Variants in KCNT2 observed in about 807,000 individuals in gnomAD.
The protein encoded by KCNT2 is potassium channel subfamily T member 2.
Under a neutral mutation model 153.8 loss-of-function variants are expected in KCNT2, and 67 were observed. The observed-to-expected ratio is 0.44, with a 90% CI of 0.36 to 0.53. The LOEUF is 0.53. KCNT2 is among the 20% of genes least tolerant of loss of function. KCNT2 has a pLI of 0.00. For synonymous variants in KCNT2, 500 were observed against 458.8 expected, an observed-to-expected ratio of 1.09 and a Z score of -1.15; for missense variants, 975 against 1,354.8, an observed-to-expected ratio of 0.72 and a Z score of 4.40.
intron 1 of KCNT2, among the ~76,000 whole-genome samples, chr1:196,503,906 G>A (rs1680901343): frequency 6.6e-6 from 1 of 152,106 alleles, no homozygotes; most frequent in African/African-American, 2.4e-5. Flanking sequence ...TGGAACACAT[G>A]TATGTCTTTA....
intron 26 of KCNT2, among the ~76,000 whole-genome samples, chr1:196,254,060 A>G (rs546928104): frequency 7.9e-5 from 12 of 151,486 alleles, no homozygotes; most frequent in Non-Finnish European, 1.6e-4. Context: ...TTTATATTTT[A>G]ATTTAAGGAG....
intron 1 of KCNT2, among the ~76,000 whole-genome samples, chr1:196,551,323 T>C (rs899821336): frequency 6.6e-6 from 1 of 151,782 alleles, no homozygotes; most frequent in Non-Finnish European, 1.5e-5. Flanking sequence ...GAATTGCTTG[T>C]GTGAAGAGTA....
intron 27 of KCNT2, among the ~76,000 whole-genome samples, chr1:196,228,902 C>T (rs554938104): frequency 2.7e-4 from 41 of 152,086 alleles, no homozygotes; most frequent in African/African-American, 9.9e-4. Context: ...GAATATAATG[C>T]ATAACGTTTA....
chr1:196,402,191 T>C (rs1034583830), intron 12 of KCNT2, among the ~76,000 whole-genome samples: 1 of 151,462 alleles, frequency 6.6e-6, no homozygotes, highest in Admixed American at 6.6e-5. Context: ...AAGAAAACTA[T>C]ATAAACTCAA....
chr1:196,511,020 A>G (rs982614699), intron 1 of KCNT2, among the ~76,000 whole-genome samples: 2 of 152,052 alleles, frequency 1.3e-5, no homozygotes, highest in African/African-American at 4.8e-5. Flanking sequence ...ATCTGGCAAT[A>G]TAGTAGACCA....
At chr1:196,235,756 T>G (rs1366171917) in intron 27 of KCNT2, among the ~76,000 whole-genome samples, 2 of 151,440 alleles carry the variant, frequency 1.3e-5, no homozygotes, top group Non-Finnish European at 3.0e-5. Context: ...TTAGCTCACA[T>G]AATACAGAAT....
chr1:196,317,318 G>A, intron 20 of KCNT2: 1 of 442,276 alleles, frequency 2.3e-6, no homozygotes, highest in Non-Finnish European at 4.6e-6. Flanking sequence ...GATAAGAGGG[G>A]CCAGGACCAT....
chr1:196,510,283 C>A (rs911708355), intron 1 of KCNT2, among the ~76,000 whole-genome samples: 1 of 151,938 alleles, frequency 6.6e-6, no homozygotes, highest in South Asian at 2.1e-4. Flanking sequence ...TACTAATAAA[C>A]CCTGGGCACT....
intron 15 of KCNT2, among the ~76,000 whole-genome samples, chr1:196,341,704 A>AT (rs546215845): frequency 1.3e-3 from 202 of 151,224 alleles, no homozygotes; most frequent in Non-Finnish European, 2.2e-3. Flanking sequence ...ACCATCAGAG[A>AT]TTTTTTTTTC....
At chr1:196,473,660 T>C (rs1267286054) in intron 5 of KCNT2, among the ~76,000 whole-genome samples, 21 of 152,208 alleles carry the variant, frequency 1.4e-4, no homozygotes, top group Admixed American at 1.4e-3. Flanking sequence ...AATTCTAAGA[T>C]TTCAGGTTGT....
At chr1:196,393,280 C>T (rs1183727850) in intron 13 of KCNT2, among the ~76,000 whole-genome samples, 1 of 151,402 alleles carries the variant, frequency 6.6e-6, no homozygotes, top group African/African-American at 2.4e-5. Context: ...TCAGAGGACT[C>T]AACAGTTGAA....
intron 1 of KCNT2, among the ~76,000 whole-genome samples, chr1:196,595,055 G>A (rs1663876521): frequency 6.6e-6 from 1 of 151,998 alleles, no homozygotes; most frequent in Non-Finnish European, 1.5e-5. Context: ...AAGATTATTG[G>A]AGATAGGGTG....
At chr1:196,402,492 T>A (rs1671500077) in intron 12 of KCNT2, among the ~76,000 whole-genome samples, 1 of 151,474 alleles carries the variant, frequency 6.6e-6, no homozygotes, top group Non-Finnish European at 1.5e-5. Flanking sequence ...GAATGTGTAT[T>A]GTAATCCCTA....
At chr1:196,545,412 A>G (rs1656946195) in intron 1 of KCNT2, among the ~76,000 whole-genome samples, 1 of 152,064 alleles carries the variant, frequency 6.6e-6, no homozygotes, top group African/African-American at 2.4e-5. Flanking sequence ...ACATACCAAT[A>G]GTTTAGGGGA....
intron 26 of KCNT2, 49 bp downstream of exon 26, chr1:196,258,145 T>G: frequency 6.4e-7 from 1 of 1,572,532 alleles, no homozygotes. Flanking sequence ...TTACTACTAA[T>G]GGCAAGAAAT....
intron 1 of KCNT2, among the ~76,000 whole-genome samples, chr1:196,597,042 G>A (rs1425219876): frequency 6.6e-6 from 1 of 151,972 alleles, no homozygotes; most frequent in African/African-American, 2.4e-5. Flanking sequence ...ATTTACTTTG[G>A]GCACTTGTGG....
chr1:196,402,005 A>G (rs1354089334), intron 12 of KCNT2, among the ~76,000 whole-genome samples: 1 of 151,552 alleles, frequency 6.6e-6, no homozygotes, highest in Non-Finnish European at 1.5e-5. Flanking sequence ...ACCCTGGAAA[A>G]AATTCTAAAG....
chr1:196,231,510 AG>A (rs1190056625), intron 27 of KCNT2, among the ~76,000 whole-genome samples: 1 of 151,882 alleles, frequency 6.6e-6, no homozygotes, highest in East Asian at 1.9e-4. Context: ...ATATAATGGA[AG>A]AAAAAAAAAG....
At chr1:196,568,192 G>A (rs577194962) in intron 1 of KCNT2, among the ~76,000 whole-genome samples, 1 of 152,208 alleles carries the variant, frequency 6.6e-6, no homozygotes, top group Non-Finnish European at 1.5e-5. Context: ...ATGGTTTCGG[G>A]ATGAAACTGT....
Sources: gnomAD v4.1 joint callset for allele counts (sites outside exome capture counted in the v4.1 genomes callset) on GRCh38, gnomAD v4.1.1 for gene constraint, MANE v1.5 for transcripts, NCBI Gene and HGNC (gene_info 2026-07-23, HGNC 2026-07-21) for gene names.